Variants in PTPRD observed in about 807,000 individuals in gnomAD.
PTPRD encodes receptor-type tyrosine-protein phosphatase delta.
In PTPRD, 34 loss-of-function variants were observed where a neutral mutation model predicts 214.5. That is an observed-to-expected ratio of 0.16 (90% CI 0.12 to 0.21). The LOEUF is 0.21. Among genes scored for constraint, PTPRD ranks in the 10% least tolerant of loss-of-function variants. The probability of loss-of-function intolerance (pLI) is 1.00; values close to 1 mark genes in which losing one functional copy is unlikely to be tolerated. For synonymous variants in PTPRD, 1,128 were observed against 845.7 expected (o/e 1.33, Z -5.79); for missense variants, 2,545 against 2,398.7 (o/e 1.06, Z -1.27).
intron 5 of PTPRD, among the ~76,000 whole-genome samples, chr9:9,906,865 T>C (rs1470274221): frequency 6.6e-6 from 1 of 151,934 alleles, no homozygotes; most frequent in African/African-American, 2.4e-5. Context: ...GAATAAAAAA[T>C]CTTGATAGAT....
chr9:10,360,466 C>A (rs2097358118), intron 2 of PTPRD, among the ~76,000 whole-genome samples: 1 of 152,170 alleles, frequency 6.6e-6, no homozygotes, highest in Non-Finnish European at 1.5e-5. Context: ...GTCACATTTT[C>A]TTTTGTTCCC....
intron 3 of PTPRD, among the ~76,000 whole-genome samples, chr9:10,239,825 T>C (rs2099641387): frequency 6.6e-6 from 1 of 151,948 alleles, no homozygotes; most frequent in African/African-American, 2.4e-5. Context: ...CCCGCCCTCC[T>C]GCCTCTTGCC....
intron 3 of PTPRD, among the ~76,000 whole-genome samples, chr9:10,337,439 G>C (rs917342204): frequency 2.6e-5 from 4 of 151,622 alleles, no homozygotes; most frequent in African/African-American, 9.7e-5. Context: ...CATCTGAATA[G>C]GAAATTTATG....
chr9:8,951,965 C>A (rs1469464417), intron 11 of PTPRD, among the ~76,000 whole-genome samples: 1 of 151,912 alleles, frequency 6.6e-6, no homozygotes. Flanking sequence ...ATTCTTCGGT[C>A]TCTGCTCAAT....
chr9:9,758,152 A>G (rs1430317584), intron 6 of PTPRD, among the ~76,000 whole-genome samples: 1 of 147,846 alleles, frequency 6.8e-6, no homozygotes, highest in Non-Finnish European at 1.5e-5. Context: ...AAATGGCAAA[A>G]AAAAAAAAAA....
At chr9:8,944,958 C>G (rs960748785) in intron 11 of PTPRD, among the ~76,000 whole-genome samples, 1 of 151,856 alleles carries the variant, frequency 6.6e-6, no homozygotes, top group Non-Finnish European at 1.5e-5. Flanking sequence ...GTAGATACCC[C>G]CTTTACTCTG....
At chr9:10,274,935 C>A (rs1279422233) in intron 3 of PTPRD, among the ~76,000 whole-genome samples, 1 of 152,020 alleles carries the variant, frequency 6.6e-6, no homozygotes, top group Non-Finnish European at 1.5e-5. Flanking sequence ...AGGGATGGAG[C>A]CACAAAGCAT....
chr9:10,334,919 G>A (rs568914562), intron 3 of PTPRD, among the ~76,000 whole-genome samples: 12 of 151,724 alleles, frequency 7.9e-5, no homozygotes, highest in South Asian at 6.2e-4. Context: ...TACACACTAT[G>A]AAACTCTGAT....
chr9:8,911,441 G>GTGTGTGTGT (rs2098747854), intron 11 of PTPRD, among the ~76,000 whole-genome samples: 1 of 145,624 alleles, frequency 6.9e-6, no homozygotes, highest in East Asian at 2.0e-4. Context: ...GTGTGTGTGT[G>GTGTGTGTGT]AGAGAGAGAG....
chr9:9,604,045 G>A (rs147253587), intron 7 of PTPRD, among the ~76,000 whole-genome samples: 375 of 151,702 alleles, frequency 2.5e-3, no homozygotes, highest in Admixed American at 4.1e-3. Context: ...AAAATTTTGT[G>A]GCATTAGTTT....
intron 8 of PTPRD, among the ~76,000 whole-genome samples, chr9:9,448,718 T>A (rs954081965): frequency 2.2e-4 from 33 of 151,688 alleles, no homozygotes; most frequent in African/African-American, 7.8e-4. Flanking sequence ...TTTAATGGAG[T>A]CCTTTAAGAC....
intron 8 of PTPRD, among the ~76,000 whole-genome samples, chr9:9,545,626 T>C (rs138860327): frequency 3.2e-4 from 49 of 152,004 alleles, no homozygotes; most frequent in Admixed American, 4.6e-4. Flanking sequence ...AGGTAACTAC[T>C]CTTGGTCTAT....
At position 8,524,948 on chromosome 9, in the gene PTPRD, G is replaced by A. The variant is rs2139185071; in HGVS notation, c.656C>T (p.Ala219Val). 6.2e-7 allele frequency: 1 copy of A among 1,613,558 alleles called. No individual in the cohort carries two copies. Among genetic ancestry groups the A allele is most frequent in the Non-Finnish European group, 8.5e-7 (1 of 1,179,608 alleles). ...ATNSAGTRYS[A>V]PANLYVRELR... ...ACCTCTGACATATAAATTGGCAGGA[G>A]CGGAATAGCGAGTGCCCGCGCTGTT... Residue 219 changes from alanine to valine, a missense_variant, in exon 18 of 46, where the codon GCT becomes GTT. Physicochemically the swap from Ala to Val is moderately conservative, Grantham distance 64. Coordinates refer to ENST00000381196, the MANE Select transcript of PTPRD (RefSeq NM_002839.4).
intron 10 of PTPRD, among the ~76,000 whole-genome samples, chr9:9,165,051 C>CAA (rs35703586): frequency 0.079 from 9,269 of 117,234 alleles, 448 homozygotes; most frequent in Admixed American, 0.12. Context: ...GACTCCATCT[C>CAA]AAAAAAAAAA....
chr9:8,985,149 A>C (rs1056875563), intron 11 of PTPRD, among the ~76,000 whole-genome samples: 3 of 152,068 alleles, frequency 2.0e-5, no homozygotes, highest in Admixed American at 6.6e-5. Flanking sequence ...TTACTTTAAA[A>C]ATTTAGATTT....
chr9:8,488,862 C>A (rs976221971), intron 27 of PTPRD, among the ~76,000 whole-genome samples: 1 of 152,048 alleles, frequency 6.6e-6, no homozygotes, highest in East Asian at 1.9e-4. Flanking sequence ...TATGAAACTC[C>A]GTTGAAACGA....
chr9:9,362,848 G>A (rs993337877), intron 9 of PTPRD, among the ~76,000 whole-genome samples: 3 of 151,298 alleles, frequency 2.0e-5, no homozygotes, highest in African/African-American at 4.8e-5. Context: ...TTTCTATGGA[G>A]AATTCACTTT....
intron 8 of PTPRD, among the ~76,000 whole-genome samples, chr9:9,459,698 T>G (rs2093447469): frequency 6.6e-6 from 1 of 152,052 alleles, no homozygotes; most frequent in Non-Finnish European, 1.5e-5. Flanking sequence ...ATCACAGATG[T>G]CACAAACATA....
intron 3 of PTPRD, among the ~76,000 whole-genome samples, chr9:10,060,056 C>G (rs182598822): frequency 1.3e-5 from 2 of 152,076 alleles, no homozygotes; most frequent in East Asian, 3.9e-4. Context: ...TTCCGATATT[C>G]TATTTCCCTG....
Sources: allele counts gnomAD v4.1 joint callset (sites outside exome capture counted in the v4.1 genomes callset), GRCh38; gene constraint gnomAD v4.1.1; transcripts MANE v1.5; gene names NCBI Gene and HGNC (gene_info 2026-07-23, HGNC 2026-07-21).